The following CLTRN variants were observed in gnomAD, a reference collection of about 807,000 sequenced individuals.
The protein encoded by CLTRN is collectrin, amino acid transport regulator.
In CLTRN, 12 loss-of-function variants were observed where a neutral mutation model predicts 14.5. The ratio of observed to expected loss-of-function variants is 0.83; its 90% CI spans 0.53 to 1.34. The LOEUF (loss-of-function observed/expected upper bound fraction) is 1.34. Ranked by LOEUF, CLTRN falls within the 40% of genes most tolerant of loss-of-function variation. The pLI is 0.00. For missense variants in CLTRN, 154 were observed against 165.1 expected, an observed-to-expected ratio of 0.93 and a Z score of 0.37; for synonymous variants, 58 against 56.5, an observed-to-expected ratio of 1.03 and a Z score of -0.12.
intron 3 of CLTRN, among the ~76,000 whole-genome samples, chrX:15,658,020 A>G (rs1414282715): frequency 8.9e-6 from 1 of 111,837 alleles, no homozygotes; most frequent in Non-Finnish European, 1.9e-5. Flanking sequence ...TGGGCCTTGA[A>G]TTATTATAGA....
At chrX:15,662,537 G>A (rs1421875963) in intron 2 of CLTRN, among the ~76,000 whole-genome samples, 1 of 110,367 alleles carries the variant, frequency 9.1e-6, no homozygotes, top group Non-Finnish European at 1.9e-5. Context: ...GCAAAGAGCT[G>A]TTGTTTTGCA....
chrX:15,639,869 C>T, intron 4 of CLTRN, 113 bp from the exon 5 acceptor site: 1 of 765,593 alleles, frequency 1.3e-6, no homozygotes, highest in Admixed American at 3.6e-5. Context: ...ACAAAGCATC[C>T]TCCTGGCAGG....
chrX:15,665,022 A>G (rs751086329), upstream of CLTRN: 21 of 356,454 alleles, frequency 5.9e-5, no homozygotes, highest in East Asian at 9.7e-4. Flanking sequence ...CTCTGACTCT[A>G]CCTCAAAAGA....
chrX:15,648,325 T>A (rs1929136863), intron 3 of CLTRN, among the ~76,000 whole-genome samples: 1 of 111,118 alleles, frequency 9.0e-6, no homozygotes, highest in African/African-American at 3.3e-5. Context: ...GCCAGATAAT[T>A]TTATGTTGTG....
chrX:15,660,038 G>T (rs1929469263), intron 2 of CLTRN, among the ~76,000 whole-genome samples: 1 of 111,634 alleles, frequency 9.0e-6, no homozygotes, highest in Non-Finnish European at 1.9e-5. Flanking sequence ...AAGAGAAGCA[G>T]GAAGGGAGAA....
At chrX:15,635,261 T>C (rs1928792694) in intron 5 of CLTRN, among the ~76,000 whole-genome samples, 1 of 111,884 alleles carries the variant, frequency 8.9e-6, no homozygotes, top group African/African-American at 3.2e-5. Context: ...AATCAGGGTA[T>C]TTATTCAGAA....
intron 3 of CLTRN, among the ~76,000 whole-genome samples, chrX:15,651,126 TG>T (rs1413543500): frequency 1.8e-5 from 2 of 111,100 alleles, no homozygotes; most frequent in Admixed American, 9.5e-5. Flanking sequence ...ATTGGGGGGA[TG>T]GGGGGACATG....
chrX:15,641,827 G>A (rs1212975496), intron 4 of CLTRN, among the ~76,000 whole-genome samples: 5 of 111,258 alleles, frequency 4.5e-5, no homozygotes, highest in Admixed American at 9.6e-5. Flanking sequence ...TTGGCTGGTG[G>A]CTACGGTACC....
At chrX:15,648,994 A>G (rs1929156203) in intron 3 of CLTRN, among the ~76,000 whole-genome samples, 1 of 112,115 alleles carries the variant, frequency 8.9e-6, no homozygotes, top group Non-Finnish European at 1.9e-5. Context: ...TTTTCCATAT[A>G]AAGCCTCTTT....
intron 5 of CLTRN, among the ~76,000 whole-genome samples, chrX:15,631,445 A>G (rs1250695127): frequency 8.9e-6 from 1 of 112,033 alleles, no homozygotes. Context: ...GTTAATAAAA[A>G]AAGTATTTAT....
upstream of CLTRN, among the ~76,000 whole-genome samples, chrX:15,666,321 CG>C (rs1360906063): frequency 3.6e-5 from 4 of 111,649 alleles, no homozygotes; most frequent in South Asian, 1.1e-3. Flanking sequence ...AATCTTTCCC[CG>C]GTGGGCATTC....
At chrX:15,630,598 A>T (rs1185202219) in intron 5 of CLTRN, among the ~76,000 whole-genome samples, 1 of 112,488 alleles carries the variant, frequency 8.9e-6, no homozygotes, top group Non-Finnish European at 1.9e-5. Context: ...CAAATATCAC[A>T]ATTAAACACA....
At chrX:15,675,327 G>A (rs1325285696), upstream of CLTRN, among the ~76,000 whole-genome samples, 1 of 111,438 alleles carries the variant, frequency 9.0e-6, no homozygotes, top group Non-Finnish European at 1.9e-5. Flanking sequence ...GCCACAGATG[G>A]AAAGGCGGGC....
chrX:15,652,906 C>A (rs1929255799), intron 3 of CLTRN, among the ~76,000 whole-genome samples: 2 of 110,913 alleles, frequency 1.8e-5, no homozygotes, highest in South Asian at 7.5e-4. Flanking sequence ...CATGGTGAAA[C>A]CCCGTCTCTA....
At chrX:15,675,277 G>C (rs906380946), upstream of CLTRN, among the ~76,000 whole-genome samples, 13 of 112,222 alleles carry the variant, frequency 1.2e-4, no homozygotes, top group African/African-American at 3.9e-4. Context: ...AGGCAGACTA[G>C]TTGTGACTGG....
At chrX:15,640,285 T>A (rs1928912575) in intron 4 of CLTRN, among the ~76,000 whole-genome samples, 1 of 112,408 alleles carries the variant, frequency 8.9e-6, no homozygotes, top group Non-Finnish European at 1.9e-5. Flanking sequence ...TAGAAATTTC[T>A]GCATAAACTG....
intron 4 of CLTRN, among the ~76,000 whole-genome samples, chrX:15,642,447 T>C (rs1479362094): frequency 8.9e-6 from 1 of 112,686 alleles, no homozygotes; most frequent in African/African-American, 3.2e-5. Flanking sequence ...ATTTCAATTA[T>C]TTTACTTGAA....
intron 4 of CLTRN, among the ~76,000 whole-genome samples, chrX:15,644,686 G>A (rs889084360): frequency 6.3e-5 from 7 of 111,766 alleles, no homozygotes; most frequent in South Asian, 3.7e-4. Context: ...CAGACATTGC[G>A]AAATGTCTCC....
chrX:15,634,146 G>A (rs1441836929), intron 5 of CLTRN, among the ~76,000 whole-genome samples: 2 of 111,539 alleles, frequency 1.8e-5, no homozygotes, highest in African/African-American at 3.3e-5. Flanking sequence ...GTCCATGACT[G>A]TCCTTGTAAA....
Sources: allele counts gnomAD v4.1 joint callset (sites outside exome capture counted in the v4.1 genomes callset), GRCh38; gene constraint gnomAD v4.1.1; transcripts MANE v1.5; gene names NCBI Gene and HGNC (gene_info 2026-07-23, HGNC 2026-07-21).